The following EXOC6B variants were observed in gnomAD, a reference collection of about 807,000 sequenced individuals.
EXOC6B encodes the protein SEC15 homolog B.
In EXOC6B, 54 loss-of-function variants were observed where a neutral mutation model predicts 113.5. The observed-to-expected ratio is 0.48, with a 90% CI of 0.38 to 0.60. EXOC6B has a LOEUF of 0.60. Ranked by LOEUF, EXOC6B falls within the 20% of genes least tolerant of loss-of-function variation. The probability of loss-of-function intolerance (pLI) is 0.00; values close to 1 mark genes in which losing one functional copy is unlikely to be tolerated. For missense variants in EXOC6B, 797 were observed against 977.5 expected, an observed-to-expected ratio of 0.82 and a Z score of 2.46; for synonymous variants, 357 against 339.0, an observed-to-expected ratio of 1.05 and a Z score of -0.58.
intron 2 of EXOC6B, 75 bp downstream of exon 2, chr2:72,741,229 T>A: frequency 7.1e-7 from 1 of 1,403,028 alleles, no homozygotes. Context: ...TTCTATGTTA[T>A]AATCCTTAAT....
rs1682855341 is a variant in EXOC6B at position 72,763,334 on chromosome 2, T to G, written c.114-21865A>C. ...CTTTGTATAGTACCTTGGTGTTGTT[T>G]TGCTGTTTATGTTTATCCTGCTCAA... On this transcript the variant is annotated intron_variant, in intron 1 of 21. Coordinates refer to ENST00000272427, the MANE Select transcript of EXOC6B (RefSeq NM_015189.3). Among the ~76,000 whole-genome samples the G allele has an allele frequency of 2.0e-5, 3 of 152,196 alleles. No individual in the cohort carries two copies. The South Asian group carries it at 6.2e-4, about 32-fold the overall frequency.
At chr2:72,559,320 A>G in intron 8 of EXOC6B, 133 bp downstream of exon 8, 1 of 519,734 alleles carries the variant, frequency 1.9e-6, no homozygotes, top group East Asian at 3.4e-5. Context: ...TTTTATAATT[A>G]ACAGTCCTTA....
intron 6 of EXOC6B, among the ~76,000 whole-genome samples, chr2:72,692,433 G>A (rs189904964): frequency 4.0e-5 from 6 of 150,348 alleles, no homozygotes; most frequent in African/African-American, 1.5e-4. Flanking sequence ...CTCACTGCAA[G>A]CTCTGCCTCC....
At chr2:72,565,750 C>G (rs1176035728) in intron 7 of EXOC6B, among the ~76,000 whole-genome samples, 1 of 152,060 alleles carries the variant, frequency 6.6e-6, no homozygotes, top group Non-Finnish European at 1.5e-5. Context: ...AGATATGTTT[C>G]TTATCTATGA....
At chr2:72,699,650 G>A (rs1377220450) in intron 6 of EXOC6B, among the ~76,000 whole-genome samples, 2 of 151,892 alleles carry the variant, frequency 1.3e-5, no homozygotes, top group Admixed American at 1.3e-4. Context: ...TTTCTTATAT[G>A]GTTTATTTAG....
chr2:72,187,586 G>A (rs1022794831), intron 20 of EXOC6B, among the ~76,000 whole-genome samples: 4 of 152,072 alleles, frequency 2.6e-5, no homozygotes, highest in East Asian at 1.9e-4. Flanking sequence ...AGGTTGTCTC[G>A]ATAAGTGTTC....
intron 1 of EXOC6B, among the ~76,000 whole-genome samples, chr2:72,797,165 A>G (rs1685011458): frequency 6.6e-6 from 1 of 152,202 alleles, no homozygotes; most frequent in East Asian, 1.9e-4. Flanking sequence ...TCTTTGATTC[A>G]TCTCTTCCCA....
intron 7 of EXOC6B, among the ~76,000 whole-genome samples, chr2:72,575,056 G>A (rs1037944446): frequency 6.6e-6 from 1 of 152,072 alleles, no homozygotes; most frequent in African/African-American, 2.4e-5. Context: ...GAATCTTTGT[G>A]TATTTTCCAT....
chr2:72,217,463 A>C (rs773740661), intron 20 of EXOC6B, among the ~76,000 whole-genome samples: 6 of 152,116 alleles, frequency 3.9e-5, no homozygotes, highest in Non-Finnish European at 7.4e-5. Context: ...GCTAGTATTT[A>C]AAAAAAGGTA....
In EXOC6B at chr2:72,527,048, A is replaced by G. The variant is rs376682820; in HGVS notation, c.916-11922T>C. ...ATCCTCAAGTTGTCTTTTTATAGCC[A>G]TATCGACTGCTCTCCATCTCTACTT... is the stretch of plus-strand genomic sequence containing the variant. On this transcript the variant is annotated intron_variant, in intron 8 of 21. Transcript: ENST00000272427. Among the ~76,000 whole-genome samples, 29 of 152,146 alleles carry G rather than the reference A, an allele frequency of 1.9e-4. 2 individuals are homozygous for G. The highest frequency in any genetic ancestry group is 4.6e-4 in the African/African-American group (19 of 41,554).
At chr2:72,271,251 C>T (rs976492889) in intron 20 of EXOC6B, among the ~76,000 whole-genome samples, 2 of 152,046 alleles carry the variant, frequency 1.3e-5, no homozygotes, top group African/African-American at 4.8e-5. Context: ...TGCATTCTCT[C>T]GAGTTTAAAT....
chr2:72,767,831 A>AAAAAAAC (rs1204403797), intron 1 of EXOC6B, among the ~76,000 whole-genome samples: 1 of 142,856 alleles, frequency 7.0e-6, no homozygotes, highest in Admixed American at 7.0e-5. Flanking sequence ...AAAAAAAAAA[A>AAAAAAAC]AAGACCAAGT....
chr2:72,576,853 C>G (rs2103833836), intron 6 of EXOC6B, among the ~76,000 whole-genome samples: 1 of 152,162 alleles, frequency 6.6e-6, no homozygotes, highest in Middle Eastern at 3.4e-3. Context: ...GATAACAAAG[C>G]TTGAGAATGT....
chr2:72,791,649 A>G (rs1684678602), intron 1 of EXOC6B, among the ~76,000 whole-genome samples: 1 of 152,256 alleles, frequency 6.6e-6, no homozygotes, highest in Non-Finnish European at 1.5e-5. Context: ...TTATTAACAA[A>G]TAATAATGAT....
intron 20 of EXOC6B, among the ~76,000 whole-genome samples, chr2:72,306,136 T>TA (rs1369850215): frequency 3.3e-5 from 5 of 151,938 alleles, no homozygotes; most frequent in Non-Finnish European, 7.4e-5. Context: ...ACATTCACAT[T>TA]AAAAAAAGAG....
intron 20 of EXOC6B, among the ~76,000 whole-genome samples, chr2:72,306,500 T>C (rs1478672471): frequency 1.3e-5 from 2 of 152,196 alleles, no homozygotes; most frequent in Non-Finnish European, 2.9e-5. Context: ...TCAATTATAA[T>C]TAACATACAA....
intron 20 of EXOC6B, among the ~76,000 whole-genome samples, chr2:72,245,380 A>G (rs1234265050): frequency 6.6e-6 from 1 of 152,130 alleles, no homozygotes; most frequent in Non-Finnish European, 1.5e-5. Flanking sequence ...AGGCAATTTA[A>G]TAAGAGTCTT....
At chr2:72,734,409 C>T (rs940613917) in intron 2 of EXOC6B, among the ~76,000 whole-genome samples, 7 of 152,164 alleles carry the variant, frequency 4.6e-5, no homozygotes, top group Middle Eastern at 3.4e-3. Context: ...GTGATAAAGC[C>T]GTCCAAAATG....
chr2:72,502,478 G>A (rs1700376757), intron 11 of EXOC6B, among the ~76,000 whole-genome samples: 1 of 152,118 alleles, frequency 6.6e-6, no homozygotes, highest in African/African-American at 2.4e-5. Flanking sequence ...AACCCGGGAG[G>A]CAGAGGTTGC....
Sources: gnomAD v4.1 joint callset for allele counts (sites outside exome capture counted in the v4.1 genomes callset) on GRCh38, gnomAD v4.1.1 for gene constraint, MANE v1.5 for transcripts, NCBI Gene and HGNC (gene_info 2026-07-23, HGNC 2026-07-21) for gene names.